The following PLPPR5 variants were observed in gnomAD, a reference collection of about 807,000 sequenced individuals.
PLPPR5 encodes the protein phospholipid phosphatase-related protein type 5.
A neutral mutation model predicts 33.9 loss-of-function variants in PLPPR5; 16 were observed. The ratio of observed to expected loss-of-function variants is 0.47; its 90% CI spans 0.32 to 0.72. The LOEUF (loss-of-function observed/expected upper bound fraction) is 0.72. PLPPR5 is among the 30% of genes least tolerant of loss of function. The probability of loss-of-function intolerance (pLI) is 0.03; values close to 1 mark genes in which losing one functional copy is unlikely to be tolerated. For synonymous variants in PLPPR5, 163 were observed against 150.3 expected (o/e 1.08, Z -0.62); for missense variants, 301 against 406.7 (o/e 0.74, Z 2.23).
At chr1:98,983,656 T>C (rs1251732592) in intron 1 of PLPPR5, among the ~76,000 whole-genome samples, 1 of 151,374 alleles carries the variant, frequency 6.6e-6, no homozygotes, top group African/African-American at 2.4e-5. Context: ...CCCTGAGGAA[T>C]CGCCACACTG....
At chr1:98,965,609 C>T (rs922690302) in intron 1 of PLPPR5, among the ~76,000 whole-genome samples, 3 of 152,180 alleles carry the variant, frequency 2.0e-5, no homozygotes, top group Non-Finnish European at 4.4e-5. Flanking sequence ...TCACTTTGTT[C>T]TCATACCTCA....
intron 3 of PLPPR5, among the ~76,000 whole-genome samples, chr1:98,936,625 C>T (rs897087138): frequency 8.5e-5 from 13 of 152,162 alleles, no homozygotes; most frequent in African/African-American, 3.1e-4. Context: ...AGTAGGAGGA[C>T]GTGTGGGGTC....
intron 1 of PLPPR5, among the ~76,000 whole-genome samples, chr1:98,962,008 G>T (rs1451855443): frequency 6.6e-6 from 1 of 152,060 alleles, no homozygotes; most frequent in Non-Finnish European, 1.5e-5. Flanking sequence ...CTATTGGAAG[G>T]CCACACAGCC....
At chr1:98,935,124 T>C (rs997165052) in intron 3 of PLPPR5, among the ~76,000 whole-genome samples, 9 of 152,046 alleles carry the variant, frequency 5.9e-5, no homozygotes, top group Admixed American at 5.2e-4. Flanking sequence ...CAGTGCAAAA[T>C]GAAAATGAAT....
chr1:98,997,616 T>C (rs562833265), intron 1 of PLPPR5, among the ~76,000 whole-genome samples: 1 of 152,278 alleles, frequency 6.6e-6, no homozygotes, highest in Non-Finnish European at 1.5e-5. Context: ...CCATTTTACA[T>C]TTTTTTAATC....
chr1:98,957,653 A>G (rs1468817803), intron 1 of PLPPR5, among the ~76,000 whole-genome samples: 1 of 152,184 alleles, frequency 6.6e-6, no homozygotes, highest in African/African-American at 2.4e-5. Flanking sequence ...TTTGACTTTG[A>G]GAGCCTCCTG....
chr1:99,002,633 C>T (rs1390428429), intron 1 of PLPPR5, among the ~76,000 whole-genome samples: 4 of 152,062 alleles, frequency 2.6e-5, no homozygotes, highest in Non-Finnish European at 4.4e-5. Flanking sequence ...TCTTTTTCTC[C>T]GTCCTACATT....
In PLPPR5 at chr1:98,956,810, T is replaced by A; in HGVS notation, c.238-69A>T. ...GTATAAATGTAAAATATTTTTATTT[T>A]AAAAATGTAAAATGGAGCCCCTTTG... On this transcript the variant is annotated intron_variant, in intron 1 of 5. Transcript: ENST00000263177. 2.4e-6 allele frequency: 3 copies of A among 1,231,200 alleles called. No homozygotes were observed. The South Asian group carries it at 5.7e-5, about 23-fold the overall frequency. The allele number at this position is 1,231,200 out of a possible 1,614,324, so 76.3% of individuals were successfully genotyped here. A position where few individuals can be genotyped will look rare whatever the true frequency, so the allele number is the denominator to read the frequency against.
chr1:98,896,088 C>A (rs369331862), intron 5 of PLPPR5, among the ~76,000 whole-genome samples: 2 of 151,506 alleles, frequency 1.3e-5, no homozygotes, highest in African/African-American at 4.8e-5. Context: ...TCTAAAGAAG[C>A]GCCAAGATAA....
chr1:98,979,356 T>C (rs1651976799), intron 1 of PLPPR5, among the ~76,000 whole-genome samples: 1 of 152,080 alleles, frequency 6.6e-6, no homozygotes, highest in East Asian at 1.9e-4. Flanking sequence ...TCTAATTTTT[T>C]AAGCCTCAGT....
At chr1:98,916,576 C>T (rs368043780) in intron 4 of PLPPR5, among the ~76,000 whole-genome samples, 14 of 152,200 alleles carry the variant, frequency 9.2e-5, no homozygotes, top group African/African-American at 2.4e-4. Context: ...AAAATAGCCA[C>T]GGACAGTTTA....
intron 2 of PLPPR5, among the ~76,000 whole-genome samples, chr1:98,956,324 T>A (rs1181918448): frequency 3.3e-5 from 5 of 152,204 alleles, no homozygotes. Context: ...AGGTAGTATG[T>A]AATGTTTATT....
chr1:98,967,542 C>T (rs1651492714), intron 1 of PLPPR5, among the ~76,000 whole-genome samples: 1 of 152,094 alleles, frequency 6.6e-6, no homozygotes, highest in Non-Finnish European at 1.5e-5. Flanking sequence ...CTCAGTGCCC[C>T]TTTTTGAAAC....
rs1225170120 is a variant in PLPPR5 at position 98,995,929 on chromosome 1, C to G, written c.237+8506G>C. Among the ~76,000 whole-genome samples, 3 of 151,834 alleles carry G rather than the reference C, an allele frequency of 2.0e-5. No individual in the cohort carries two copies. In the East Asian group the frequency reaches 5.8e-4, roughly 29 times the overall value. On this transcript the variant is annotated intron_variant, in intron 1 of 5. Transcript: ENST00000263177. The stretch of plus-strand genomic sequence containing the variant: ...AAAATAACCTAAAAGCTGGGCATGA[C>G]CAAATTGGCTTGAATCAGATAACAC...
intron 1 of PLPPR5, among the ~76,000 whole-genome samples, chr1:98,993,751 G>C (rs1052219205): frequency 2.0e-5 from 3 of 152,068 alleles, no homozygotes; most frequent in African/African-American, 7.2e-5. Flanking sequence ...ATGTTTCGGA[G>C]TGTAAAAAGT....
intron 1 of PLPPR5, among the ~76,000 whole-genome samples, chr1:98,980,712 A>T (rs1652033078): frequency 6.6e-6 from 1 of 152,094 alleles, no homozygotes; most frequent in African/African-American, 2.4e-5. Flanking sequence ...TAGTGAGAAG[A>T]TTGAAGACAT....
At chr1:98,950,881 C>A (rs997074634) in intron 3 of PLPPR5, among the ~76,000 whole-genome samples, 1 of 151,926 alleles carries the variant, frequency 6.6e-6, no homozygotes, top group Non-Finnish European at 1.5e-5. Flanking sequence ...CTTTCTCTCT[C>A]TCTTTTTTGT....
Position 98,890,758 on chromosome 1 carries a change from T to A in PLPPR5, c.*2314A>T, listed in dbSNP as rs1412943730. 6.6e-6 allele frequency: 1 copy of A among 152,570 alleles called. No individual in the cohort carries two copies. The highest frequency in any genetic ancestry group is 2.4e-5 in the African/African-American group (1 of 41,444). 9.5% of individuals were successfully genotyped at this position (152,570 alleles called of 1,614,324 possible). A position where few individuals can be genotyped will look rare whatever the true frequency, so the allele number is the denominator to read the frequency against. Reference sequence around the variant, plus strand: ...CCTTATTCACATGTATCTTGCCTTTTTCATCTGAATTTTCTTCATGACAGC... The same window carrying A: ...CCTTATTCACATGTATCTTGCCTTTATCATCTGAATTTTCTTCATGACAGC... On this transcript the variant is annotated 3_prime_UTR_variant, in exon 6 of 6. Transcript: ENST00000263177.
intron 3 of PLPPR5, among the ~76,000 whole-genome samples, chr1:98,929,163 A>G (rs1416830315): frequency 6.6e-6 from 1 of 152,180 alleles, no homozygotes; most frequent in Non-Finnish European, 1.5e-5. Flanking sequence ...TCTGACTCTT[A>G]GTTATATCAC....
Sources: allele counts gnomAD v4.1 joint callset (sites outside exome capture counted in the v4.1 genomes callset), GRCh38; gene constraint gnomAD v4.1.1; transcripts MANE v1.5; gene names NCBI Gene and HGNC (gene_info 2026-07-23, HGNC 2026-07-21).